Variants in SYN2 observed in about 807,000 individuals in gnomAD.
SYN2 encodes synapsin II.
A neutral mutation model predicts 50.9 loss-of-function variants in SYN2; 19 were observed. The ratio of observed to expected loss-of-function variants is 0.37; its 90% CI spans 0.26 to 0.55. The LOEUF is 0.55. Ranked by LOEUF, SYN2 falls within the 20% of genes least tolerant of loss-of-function variation. The probability of loss-of-function intolerance (pLI) is 0.81; values close to 1 mark genes in which losing one functional copy is unlikely to be tolerated. For missense variants in SYN2, 587 were observed against 576.4 expected, an observed-to-expected ratio of 1.02 and a Z score of -0.19; for synonymous variants, 255 against 224.9, an observed-to-expected ratio of 1.13 and a Z score of -1.20.
chr3:12,076,948 G>T (rs1391284579), intron 1 of SYN2, among the ~76,000 whole-genome samples: 2 of 152,104 alleles, frequency 1.3e-5, no homozygotes, highest in African/African-American at 4.8e-5. Flanking sequence ...GGTTTTAGAT[G>T]GAAGAAGAGG....
chr3:12,060,471 A>G (rs1695089942), intron 1 of SYN2, among the ~76,000 whole-genome samples: 1 of 152,146 alleles, frequency 6.6e-6, no homozygotes, highest in African/African-American at 2.4e-5. Flanking sequence ...GGGGAAAGAA[A>G]CTGAGAAATA....
intron 1 of SYN2, among the ~76,000 whole-genome samples, chr3:12,109,168 A>G (rs1696263761): frequency 6.6e-6 from 1 of 152,172 alleles, no homozygotes; most frequent in African/African-American, 2.4e-5. Flanking sequence ...GGACATGGAG[A>G]GGTGTGCAAG....
At chr3:12,036,779 A>G (rs1254631720) in intron 1 of SYN2, among the ~76,000 whole-genome samples, 1 of 152,212 alleles carries the variant, frequency 6.6e-6, no homozygotes, top group Admixed American at 6.5e-5. Flanking sequence ...TCTCTCCTGA[A>G]TACACTTTTT....
intron 1 of SYN2, among the ~76,000 whole-genome samples, chr3:12,083,644 G>A (rs1695627220): frequency 6.6e-6 from 1 of 152,166 alleles, no homozygotes; most frequent in Admixed American, 6.5e-5. Context: ...TTTGTGGACT[G>A]TCATGATTCT....
chr3:12,097,608 CAA>C (rs35095165), intron 1 of SYN2, among the ~76,000 whole-genome samples: 11 of 94,768 alleles, frequency 1.2e-4, no homozygotes, highest in Admixed American at 3.3e-4. Context: ...TCCATCTCAA[CAA>C]AAAAAAAAAA....
chr3:12,071,075 A>G (rs1233528630), intron 1 of SYN2: 13 of 561,106 alleles, frequency 2.3e-5, no homozygotes, highest in Non-Finnish European at 4.7e-5. Flanking sequence ...ACCACCTTCA[A>G]CTCCATCATG....
intron 1 of SYN2, among the ~76,000 whole-genome samples, chr3:12,047,319 G>A (rs1694761133): frequency 6.7e-6 from 1 of 148,482 alleles, no homozygotes; most frequent in African/African-American, 2.5e-5. Flanking sequence ...ATTGGATGGT[G>A]GGAAGTTGAG....
chr3:12,079,061 G>A (rs954896058), intron 1 of SYN2, among the ~76,000 whole-genome samples: 1 of 151,856 alleles, frequency 6.6e-6, no homozygotes, highest in Non-Finnish European at 1.5e-5. Flanking sequence ...ATTCTTTTTA[G>A]CAATCGTGAA....
chr3:12,020,084 G>A (rs992546274), intron 1 of SYN2, among the ~76,000 whole-genome samples: 8 of 152,142 alleles, frequency 5.3e-5, no homozygotes, highest in Admixed American at 5.2e-4. Flanking sequence ...ATATGTTTTT[G>A]TTAATGCTTA....
intron 1 of SYN2, among the ~76,000 whole-genome samples, chr3:12,047,842 T>A (rs1694772711): frequency 6.6e-6 from 1 of 152,206 alleles, no homozygotes; most frequent in East Asian, 1.9e-4. Context: ...GGTGGCAGCA[T>A]GTGATGTTCT....
At chr3:12,074,638 TTTG>T (rs1559409542) in intron 1 of SYN2, among the ~76,000 whole-genome samples, 3 of 152,154 alleles carry the variant, frequency 2.0e-5, no homozygotes, top group African/African-American at 7.2e-5. Context: ...TTTGTTCTTT[TTTG>T]TTGTTCTGTG....
At chr3:12,165,089 CA>C (rs1697750206) in intron 7 of SYN2, among the ~76,000 whole-genome samples, 1 of 149,472 alleles carries the variant, frequency 6.7e-6, no homozygotes, top group African/African-American at 2.5e-5. Context: ...CTGGTTCAAG[CA>C]ATTCCCCTCT....
At chr3:12,065,312 TAAAAC>T (rs1469071226) in intron 1 of SYN2, among the ~76,000 whole-genome samples, 3 of 152,040 alleles carry the variant, frequency 2.0e-5, no homozygotes, top group Admixed American at 1.3e-4. Flanking sequence ...TCAAAGAACT[TAAAAC>T]AGAACTACTA....
intron 1 of SYN2, among the ~76,000 whole-genome samples, chr3:12,051,247 C>A (rs573942836): frequency 6.6e-6 from 1 of 151,826 alleles, no homozygotes; most frequent in Non-Finnish European, 1.5e-5. Context: ...TTATAGCTTT[C>A]TAAACAGGAT....
intron 1 of SYN2, among the ~76,000 whole-genome samples, chr3:12,140,370 A>T (rs1242076492): frequency 1.3e-5 from 2 of 152,200 alleles, no homozygotes; most frequent in African/African-American, 4.8e-5. Context: ...GGAAATTCCT[A>T]TTTCTAGATG....
chr3:12,013,110 C>T (rs1693951374), intron 1 of SYN2, among the ~76,000 whole-genome samples: 1 of 152,188 alleles, frequency 6.6e-6, no homozygotes, highest in South Asian at 2.1e-4. Context: ...CTTCAGGACA[C>T]TGCATTCTTT....
At chr3:12,089,724 C>CCT (rs1695784700) in intron 1 of SYN2, among the ~76,000 whole-genome samples, 1 of 152,012 alleles carries the variant, frequency 6.6e-6, no homozygotes, top group Non-Finnish European at 1.5e-5. Context: ...GTTATAGCAG[C>CCT]CTCTAGGGAG....
chr3:12,145,698 G>A lies in SYN2; in HGVS notation c.547G>A (p.Val183Met), dbSNP rs548591048. The change falls in exon 4 of 13, where the codon GTG becomes ATG. Residue 183 changes from valine to methionine, a missense_variant. By Grantham distance (21) the Val-to-Met change is conservative. Transcript: ENST00000621198. The part of the protein sequence containing the change: ...KVVRSFRPDF[V>M]LIRQHAFGMA... ...CACCAGGTCCTTCCGGCCAGACTTC[G>A]TGCTCATCCGGCAGCATGCATTTGG... The A allele has an allele frequency of 1.3e-5, 21 of 1,613,868 alleles. No homozygotes were observed. The highest frequency in any genetic ancestry group is 6.7e-5 in the East Asian group (3 of 44,898).
chr3:12,011,601 AC>A (rs1303441671), intron 1 of SYN2, among the ~76,000 whole-genome samples: 6 of 152,178 alleles, frequency 3.9e-5, no homozygotes, highest in Non-Finnish European at 8.8e-5. Context: ...AGATTCAGTC[AC>A]CCTGCCCTTC....
Sources: allele counts gnomAD v4.1 joint callset (sites outside exome capture counted in the v4.1 genomes callset), GRCh38; gene constraint gnomAD v4.1.1; transcripts MANE v1.5; gene names NCBI Gene and HGNC (gene_info 2026-07-23, HGNC 2026-07-21).